Variants in LEMD2 observed in about 807,000 individuals in gnomAD.
The protein encoded by LEMD2 is LEM domain-containing protein 2.
A neutral mutation model predicts 58.8 loss-of-function variants in LEMD2; 34 were observed. The ratio of observed to expected loss-of-function variants is 0.58; its 90% CI spans 0.44 to 0.77. LEMD2 has a LOEUF of 0.77. Among genes scored for constraint, LEMD2 ranks in the 30% least tolerant of loss-of-function variants. The pLI, the probability that LEMD2 is intolerant of heterozygous loss-of-function variation, is 0.00. For missense variants in LEMD2, 629 were observed against 717.9 expected, an observed-to-expected ratio of 0.88 and a Z score of 1.42; for synonymous variants, 298 against 308.9, an observed-to-expected ratio of 0.96 and a Z score of 0.37.
Position 33,778,475 on chromosome 6 carries a change from A to G in LEMD2, c.1011-88T>C. The G allele has an allele frequency of 8.7e-7, 1 of 1,155,426 alleles. No individual in the cohort carries two copies. Among genetic ancestry groups the G allele is most frequent in the Non-Finnish European group, 1.2e-6 (1 of 852,862 alleles). The allele number at this position is 1,155,426 out of a possible 1,614,324, so 71.6% of individuals were successfully genotyped here. ...CACTTCAAACAGGAGGAAGCGAAGG[A>G]AAGTGGGGACGCAAGGCCTCTACTT... On this transcript the variant is annotated intron_variant, in intron 5 of 8. Coordinates refer to ENST00000293760, the MANE Select transcript of LEMD2 (RefSeq NM_181336.4). This position sits in a 1 kb window ranked among gnomAD's most constrained non-coding sequence, Gnocchi z 4.7.
intron 6 of LEMD2, among the ~76,000 whole-genome samples, chr6:33,777,567 G>T (rs936821000): frequency 6.6e-6 from 1 of 152,150 alleles, no homozygotes; most frequent in Non-Finnish European, 1.5e-5. Context: ...ATATATACAT[G>T]CCGGGGCCCT....
intron 8 of LEMD2, among the ~76,000 whole-genome samples, chr6:33,775,654 T>C (rs969200840): frequency 6.6e-6 from 1 of 152,192 alleles, no homozygotes; most frequent in Non-Finnish European, 1.5e-5. Flanking sequence ...CTGATTCCTC[T>C]TGGGTTGCAG....
intron 8 of LEMD2, among the ~76,000 whole-genome samples, chr6:33,774,987 TGAA>T (rs1767395912): frequency 6.6e-6 from 1 of 151,454 alleles, no homozygotes; most frequent in Non-Finnish European, 1.5e-5. Flanking sequence ...AATGAATGAA[TGAA>T]TGAATGATAG....
chr6:33,778,651 C>T lies in LEMD2; in HGVS notation c.1011-264G>A. ...CCCTGTCAGGTCTTTGACAGCCTCT[C>T]TCAGCATGCAGGAGATTAAACTGTA... On this transcript the variant is annotated intron_variant, in intron 5 of 8. Coordinates refer to ENST00000293760, the MANE Select transcript of LEMD2 (RefSeq NM_181336.4). The surrounding 1 kb of genome is among the most constrained non-coding windows in gnomAD (Gnocchi z 4.7). 2.9e-6 allele frequency: 1 copy of T among 339,064 alleles called. No homozygotes were observed. The highest frequency in any genetic ancestry group is 5.3e-6 in the Non-Finnish European group (1 of 188,496). 21.0% of individuals were successfully genotyped at this position (339,064 alleles called of 1,614,324 possible).
Position 33,788,652 on chromosome 6 carries a change from C to A in LEMD2, c.465G>T (p.Pro155=). 2 of 1,292,782 alleles carry A rather than the reference C, an allele frequency of 1.5e-6. No individual in the cohort carries two copies. Among genetic ancestry groups the A allele is most frequent in the Non-Finnish European group, 2.0e-6 (2 of 1,023,388 alleles). The allele number at this position is 1,292,782 out of a possible 1,614,324, so 80.1% of individuals were successfully genotyped here. ...ARTPDRATQG[P]GLAARRWWAA... ...CCCACCAGCGGCGGGCCGCGAGACC[C>A]GGGCCCTGCGTGGCCCTGTCGGGCG... Residue 155 remains proline (P), a synonymous_variant, in exon 1 of 9, where the codon CCG becomes CCT. Transcript: ENST00000293760.
intron 5 of LEMD2, chr6:33,779,468 G>A (rs1298094877): frequency 6.6e-6 from 1 of 152,224 alleles, no homozygotes; most frequent in African/African-American, 2.4e-5. Context: ...AACACCGAGA[G>A]TGGGAAGTGG....
chr6:33,775,246 T>C (rs1172460990), intron 8 of LEMD2, among the ~76,000 whole-genome samples: 1 of 152,186 alleles, frequency 6.6e-6, no homozygotes, highest in African/African-American at 2.4e-5. Context: ...ACTCTAAACT[T>C]CCTGCCTGCC....
At chr6:33,784,538 C>T in intron 2 of LEMD2, 111 bp from the exon 3 acceptor site, 2 of 701,294 alleles carry the variant, frequency 2.9e-6, no homozygotes, top group South Asian at 1.7e-5. Flanking sequence ...CAAGGAATAT[C>T]TCATACTTTT....
At chr6:33,774,941 T>A (rs751095) in intron 8 of LEMD2, among the ~76,000 whole-genome samples, 3 of 151,608 alleles carry the variant, frequency 2.0e-5, no homozygotes, top group Non-Finnish European at 4.4e-5. Flanking sequence ...TGGCATGTAG[T>A]AGGTGCTCAA....
At position 33,772,478 on chromosome 6, in the gene LEMD2, A is replaced by G; in HGVS notation, c.*150T>C. On this transcript the variant is annotated 3_prime_UTR_variant, in exon 9 of 9. Transcript: ENST00000293760. ...TTTCCTGCGAGCCGAACTCCTCTGA[A>G]GAGTATGGCAGACCTTTGGAATCGT... 1 of 711,008 alleles carries G rather than the reference A, an allele frequency of 1.4e-6. No individual in the cohort carries two copies. Among genetic ancestry groups the G allele is most frequent in the Admixed American group, 3.0e-5 (1 of 33,142 alleles). The allele number at this position is 711,008 out of a possible 1,614,324, so 44.0% of individuals were successfully genotyped here.
At position 33,788,887 on chromosome 6, in the gene LEMD2, C is replaced by T. The variant is rs930338848; in HGVS notation, c.230G>A (p.Arg77Gln). ...CGCCCGCGGAGAGGCCGCGGCGGGCCGGGCGCGCAGCGGCGCATCCTCGCG... is the reference window on the plus strand; with the variant it reads ...CGCCCGCGGAGAGGCCGCGGCGGGCTGGGCGCGCAGCGGCGCATCCTCGCG... ...RLREDAPLRARPAAASPRAEP... is the reference protein window; with the variant it reads ...RLREDAPLRAQPAAASPRAEP... The change falls in exon 1 of 9, where the codon CGG becomes CAG. Residue 77 changes from arginine (R) to glutamine (Q), a missense_variant. Coordinates refer to ENST00000293760, the MANE Select transcript of LEMD2 (RefSeq NM_181336.4). 1 of 1,380,302 alleles carries T rather than the reference C, an allele frequency of 7.2e-7. No individual in the cohort carries two copies. Among genetic ancestry groups the T allele is most frequent in the South Asian group, 1.7e-5 (1 of 60,168 alleles). 85.5% of individuals were successfully genotyped at this position (1,380,302 alleles called of 1,614,324 possible). A position where few individuals can be genotyped will look rare whatever the true frequency, so the allele number is the denominator to read the frequency against.
rs571446106 is a variant in LEMD2 at position 33,772,090 on chromosome 6, G to C, written c.*538C>G. On this transcript the variant is annotated 3_prime_UTR_variant, in exon 9 of 9. Coordinates refer to ENST00000293760, the MANE Select transcript of LEMD2 (RefSeq NM_181336.4). ...GTGTTTCTAGACGGTCCCCCCTACAGTCACTTGTTCTAATTTCTAGCACCT... is the reference window on the plus strand; with the variant it reads ...GTGTTTCTAGACGGTCCCCCCTACACTCACTTGTTCTAATTTCTAGCACCT... The C allele has an allele frequency of 6.5e-6, 1 of 153,772 alleles. No individual in the cohort carries two copies. Among genetic ancestry groups the C allele is most frequent in the Admixed American group, 6.5e-5 (1 of 15,338 alleles). 9.5% of individuals were successfully genotyped at this position (153,772 alleles called of 1,614,324 possible). A position where few individuals can be genotyped will look rare whatever the true frequency, so the allele number is the denominator to read the frequency against.
rs1196123836 is a variant in LEMD2 at position 33,784,675 on chromosome 6, G to T, written c.778-248C>A. 1.2e-5 allele frequency: 5 copies of T among 425,304 alleles called. No individual in the cohort carries two copies. In the South Asian group the frequency reaches 1.2e-4, roughly 10 times the overall value. The allele number at this position is 425,304 out of a possible 1,614,324, so 26.3% of individuals were successfully genotyped here. On this transcript the variant is annotated intron_variant, in intron 2 of 8. Transcript: ENST00000293760. The stretch of plus-strand genomic sequence containing the variant: ...CTGAAAGCAGACACTGTAACCAAGG[G>T]GCTGCATCCCAGAGGCTCCTGGCTC...
In LEMD2 at chr6:33,788,923, T is replaced by A; in HGVS notation, c.194A>T (p.Glu65Val). 2 of 1,481,212 alleles carry A rather than the reference T, an allele frequency of 1.4e-6. No homozygotes were observed. Among genetic ancestry groups the A allele is most frequent in the Non-Finnish European group, 1.8e-6 (2 of 1,123,128 alleles). The allele number at this position is 1,481,212 out of a possible 1,614,324, so 91.8% of individuals were successfully genotyped here. Reference protein sequence around the residue: ...RPRGEERLREEARLREDAPLR... With the variant: ...RPRGEERLREVARLREDAPLR... ...CGGCGCATCCTCGCGTAACCGGGCC[T>A]CTTCCCGTAACCGCTCCTCGCCCCG... The change falls in exon 1 of 9, where the codon GAG becomes GTG. Residue 65 changes from glutamate (E) to valine (V), a missense_variant. Physicochemically the swap from Glu to Val is moderately radical, Grantham distance 121 (BLOSUM62 -2). Around this residue, in one of 2 missense-constraint regions of LEMD2, gnomAD observed 386 missense variants for 381.1 expected, o/e 1.01. Transcript: ENST00000293760.
At position 33,778,518 on chromosome 6, in the gene LEMD2, G is replaced by C. The variant is rs1767490250; in HGVS notation, c.1011-131C>G. 3 of 621,938 alleles carry C rather than the reference G, an allele frequency of 4.8e-6. No individual in the cohort carries two copies. The allele number at this position is 621,938 out of a possible 1,614,324, so 38.5% of individuals were successfully genotyped here. On this transcript the variant is annotated intron_variant, in intron 5 of 8. Transcript: ENST00000293760. The surrounding 1 kb of genome is among the most constrained non-coding windows in gnomAD (Gnocchi z 4.7). ...CTCTACTTGCTTATAGAATAGGCTT[G>C]GTATCCTGGCTGCATTCTTTCCAGA... is the stretch of plus-strand genomic sequence containing the variant.
chr6:33,773,539 G>A (rs1477584620), intron 8 of LEMD2, among the ~76,000 whole-genome samples: 6 of 149,350 alleles, frequency 4.0e-5, no homozygotes, highest in Non-Finnish European at 5.9e-5. Flanking sequence ...CTGTGAGTGT[G>A]TACGCATGGG....
At chr6:33,787,659 C>A (rs896087469) in intron 1 of LEMD2, among the ~76,000 whole-genome samples, 29 of 152,162 alleles carry the variant, frequency 1.9e-4, no homozygotes, top group African/African-American at 6.8e-4. Context: ...ACACACAATC[C>A]TCAGCTATTC....
intron 4 of LEMD2, among the ~76,000 whole-genome samples, chr6:33,780,691 G>A (rs989085680): frequency 6.6e-6 from 1 of 152,194 alleles, no homozygotes. Flanking sequence ...ACCATCCTGA[G>A]GCCACACAGG....
At position 33,789,123 on chromosome 6, in the gene LEMD2, G is replaced by T. The variant is rs746229597; in HGVS notation, c.-7C>A. On this transcript the variant is annotated 5_prime_UTR_variant, in exon 1 of 9. Coordinates refer to ENST00000293760, the MANE Select transcript of LEMD2 (RefSeq NM_181336.4). ...GGTCCGACAGGCCGGCCATGGCCAG[G>T]ACGCCGCCCCCCGCCCGCCCCTGGC... 1 of 1,507,404 alleles carries T rather than the reference G, an allele frequency of 6.6e-7. No homozygotes were observed. The allele number at this position is 1,507,404 out of a possible 1,614,324, so 93.4% of individuals were successfully genotyped here.
Sources: gnomAD v4.1 joint callset for allele counts (sites outside exome capture counted in the v4.1 genomes callset) on GRCh38, gnomAD v4.1.1 for gene constraint, gnomAD v4.1.1 regional missense constraint, Gnocchi (gnomAD v3.1) non-coding constraint, MANE v1.5 for transcripts, NCBI Gene and HGNC (gene_info 2026-07-23, HGNC 2026-07-21) for gene names.